MACROD2: variants seen among roughly 807,000 people sequenced by gnomAD.
The protein encoded by MACROD2 is ADP-ribose glycohydrolase MACROD2.
In MACROD2, 36 loss-of-function variants were observed where a neutral mutation model predicts 70.4. The observed-to-expected ratio is 0.51, with a 90% CI of 0.39 to 0.68. The LOEUF is 0.68. Among genes scored for constraint, MACROD2 ranks in the 30% least tolerant of loss-of-function variants. MACROD2 has a pLI of 0.00. For missense variants in MACROD2, 496 were observed against 538.4 expected (o/e 0.92, Z 0.78); for synonymous variants, 172 against 178.8 (o/e 0.96, Z 0.30).
chr20:15,200,563 G>T (rs1006938696), intron 5 of MACROD2, among the ~76,000 whole-genome samples: 1 of 152,146 alleles, frequency 6.6e-6, no homozygotes. Flanking sequence ...TATTAACTAC[G>T]TAAGGGGATC....
intron 5 of MACROD2, among the ~76,000 whole-genome samples, chr20:15,064,785 C>T (rs1216450713): frequency 4.6e-5 from 7 of 152,160 alleles, no homozygotes; most frequent in East Asian, 3.9e-4. Flanking sequence ...CTCCGCAAAA[C>T]GGCACACTTG....
intron 3 of MACROD2, among the ~76,000 whole-genome samples, chr20:14,425,483 G>T (rs373540051): frequency 6.6e-6 from 1 of 152,102 alleles, no homozygotes. Context: ...TTCCTTTTCT[G>T]TGCAGCTCTT....
intron 6 of MACROD2, among the ~76,000 whole-genome samples, chr20:15,349,627 A>G (rs1026317130): frequency 6.6e-6 from 1 of 151,556 alleles, no homozygotes; most frequent in Non-Finnish European, 1.5e-5. Context: ...ATGGGGGCAC[A>G]CTCCTGTAAT....
intron 6 of MACROD2, among the ~76,000 whole-genome samples, chr20:15,281,730 C>A (rs552008445): frequency 7.9e-4 from 121 of 152,300 alleles, no homozygotes; most frequent in African/African-American, 2.7e-3. Context: ...TTCTCCAGGC[C>A]CACAGTGCAA....
chr20:15,518,737 A>G (rs2047603916), intron 8 of MACROD2, among the ~76,000 whole-genome samples: 1 of 152,164 alleles, frequency 6.6e-6, no homozygotes, highest in Non-Finnish European at 1.5e-5. Context: ...GGTGGCTCAC[A>G]CCTGTAATCC....
At chr20:15,457,923 AG>A (rs1403538056) in intron 7 of MACROD2, among the ~76,000 whole-genome samples, 1 of 150,828 alleles carries the variant, frequency 6.6e-6, no homozygotes, top group African/African-American at 2.4e-5. Flanking sequence ...ATAACCTAAC[AG>A]GGTTGTTCTT....
chr20:15,869,428 T>G, intron 9 of MACROD2, among the ~76,000 whole-genome samples: 1 of 151,208 alleles, frequency 6.6e-6, no homozygotes, highest in East Asian at 1.9e-4. Flanking sequence ...AAAAAATTAA[T>G]AGAAAAAAAG....
chr20:15,492,996 A>G (rs1449885024), intron 7 of MACROD2, among the ~76,000 whole-genome samples: 1 of 152,216 alleles, frequency 6.6e-6, no homozygotes, highest in African/African-American at 2.4e-5. Flanking sequence ...ATTTCATAAA[A>G]TTGCTGGTGT....
intron 3 of MACROD2, among the ~76,000 whole-genome samples, chr20:14,200,400 A>C (rs575514671): frequency 6.6e-6 from 1 of 152,238 alleles, no homozygotes; most frequent in African/African-American, 2.4e-5. Flanking sequence ...TGTTGGGATG[A>C]GGGAGAGGAT....
intron 4 of MACROD2, among the ~76,000 whole-genome samples, chr20:14,630,554 A>G (rs1182153300): frequency 6.6e-6 from 1 of 152,206 alleles, no homozygotes; most frequent in Non-Finnish European, 1.5e-5. Context: ...TAAATTATAT[A>G]TGCAGATTAC....
At chr20:15,720,702 T>C (rs2050776213) in intron 8 of MACROD2, among the ~76,000 whole-genome samples, 1 of 152,208 alleles carries the variant, frequency 6.6e-6, no homozygotes, top group Admixed American at 6.5e-5. Flanking sequence ...GAGTCTCCAC[T>C]GAGAGGCTTT....
intron 12 of MACROD2, among the ~76,000 whole-genome samples, chr20:15,961,101 G>T (rs887546328): frequency 6.6e-6 from 1 of 152,126 alleles, no homozygotes; most frequent in Non-Finnish European, 1.5e-5. Context: ...AGAGCCACAC[G>T]ATGAGCCACT....
chr20:14,757,781 G>A, intron 5 of MACROD2: 4 of 1,532,910 alleles, frequency 2.6e-6, no homozygotes, highest in South Asian at 1.1e-5. Context: ...TCCCAATGAG[G>A]GTATCCAGTA....
chr20:15,144,494 G>A (rs888424101), intron 5 of MACROD2, among the ~76,000 whole-genome samples: 4 of 152,128 alleles, frequency 2.6e-5, no homozygotes, highest in African/African-American at 9.7e-5. Context: ...CGTTCTTCCA[G>A]TTTTCAAACA....
At chr20:14,972,407 C>G (rs1264588920) in intron 5 of MACROD2, among the ~76,000 whole-genome samples, 1 of 152,164 alleles carries the variant, frequency 6.6e-6, no homozygotes, top group African/African-American at 2.4e-5. Context: ...CCTCTCTTTT[C>G]TCACCTTCCT....
At chr20:14,797,773 T>C (rs1002906732) in intron 5 of MACROD2, among the ~76,000 whole-genome samples, 1 of 152,078 alleles carries the variant, frequency 6.6e-6, no homozygotes, top group African/African-American at 2.4e-5. Flanking sequence ...ACCAATTCCA[T>C]GGGGACCTGG....
chr20:15,299,869 A>G (rs1210480385), intron 6 of MACROD2, among the ~76,000 whole-genome samples: 1 of 152,224 alleles, frequency 6.6e-6, no homozygotes, highest in Non-Finnish European at 1.5e-5. Flanking sequence ...AAACTTACCC[A>G]GAGAGAATCC....
intron 8 of MACROD2, among the ~76,000 whole-genome samples, chr20:15,510,833 G>A (rs1313412906): frequency 6.6e-6 from 1 of 152,200 alleles, no homozygotes; most frequent in Non-Finnish European, 1.5e-5. Context: ...GTGCTGTCCT[G>A]CAATCAGTTA....
chr20:14,409,147 C>CTTT (rs11425504), intron 3 of MACROD2, among the ~76,000 whole-genome samples: 26 of 127,582 alleles, frequency 2.0e-4, no homozygotes, highest in African/African-American at 3.2e-4. Context: ...TCTGTTTTGG[C>CTTT]TTTTTTTTTT....
Sources: allele counts gnomAD v4.1 joint callset (sites outside exome capture counted in the v4.1 genomes callset), GRCh38; gene constraint gnomAD v4.1.1; transcripts MANE v1.5; gene names NCBI Gene and HGNC (gene_info 2026-07-23, HGNC 2026-07-21).